DMD: variants seen among roughly 807,000 people sequenced by gnomAD.
The protein encoded by DMD is mutant dystrophin.
A neutral mutation model predicts 330.1 loss-of-function variants in DMD; 63 were observed. The observed-to-expected ratio is 0.19, with a 90% confidence interval of 0.16 to 0.24. DMD has a LOEUF of 0.24. Among genes scored for constraint, DMD ranks in the 10% least tolerant of loss-of-function variants. The pLI, the probability that DMD is intolerant of heterozygous loss-of-function variation, is 1.00. For synonymous variants in DMD, 1,223 were observed against 959.8 expected, an observed-to-expected ratio of 1.27 and a Z score of -5.07; for missense variants, 3,344 against 2,684.1, an observed-to-expected ratio of 1.25 and a Z score of -5.43.
intron 44 of DMD, among the ~76,000 whole-genome samples, chrX:32,062,453 T>C (rs1355314208): frequency 1.8e-5 from 2 of 110,729 alleles, no homozygotes; most frequent in Non-Finnish European, 3.8e-5. Context: ...TATAAAATTC[T>C]ATATATGTTA....
In DMD at chrX:32,432,386, G is replaced by A. The variant is rs755552721; in HGVS notation, c.4071+5855C>T. On this transcript the variant is annotated intron_variant, in intron 29 of 78. Coordinates refer to ENST00000357033, the MANE Select transcript of DMD (RefSeq NM_004006.3). ...ATGTCAGTGGTCATAGGCATGTTAC[G>A]GCATGACTTCAGTTTCATCTGATTT... Among the ~76,000 whole-genome samples the A allele has an allele frequency of 9.1e-4, 101 of 111,545 alleles. 4 individuals are homozygous for A. The highest frequency in any genetic ancestry group is 1.1e-3 in the South Asian group (3 of 2,663).
chrX:31,375,343 T>A (rs139035052), intron 60 of DMD, among the ~76,000 whole-genome samples: 101 of 111,424 alleles, frequency 9.1e-4, no homozygotes, highest in Non-Finnish European at 1.6e-3. Flanking sequence ...CCCTTTCAGT[T>A]TCTTAGAGGT....
At chrX:33,277,539 C>A (rs901202738) in intron 1 of DMD, among the ~76,000 whole-genome samples, 1 of 110,912 alleles carries the variant, frequency 9.0e-6, no homozygotes, top group Non-Finnish European at 1.9e-5. Context: ...CAGACACGTC[C>A]TTATGAGATG....
At chrX:32,924,084 C>T (rs1411773858) in intron 2 of DMD, among the ~76,000 whole-genome samples, 1 of 111,795 alleles carries the variant, frequency 8.9e-6, no homozygotes, top group Non-Finnish European at 1.9e-5. Context: ...TAAAGAAGTC[C>T]TTGCTTTCTT....
intron 1 of DMD, among the ~76,000 whole-genome samples, chrX:33,225,690 G>T (rs1382541998): frequency 5.4e-5 from 6 of 111,163 alleles, no homozygotes; most frequent in African/African-American, 2.0e-4. Context: ...AAAATCGTGT[G>T]CCTTAAAAGA....
chrX:32,149,199 G>A (rs1454801049), intron 44 of DMD, among the ~76,000 whole-genome samples: 1 of 111,565 alleles, frequency 9.0e-6, no homozygotes, highest in Admixed American at 9.6e-5. Context: ...AGGCTAAAGG[G>A]ATACACGGAG....
chrX:33,139,992 T>C (rs17341226), intron 1 of DMD, among the ~76,000 whole-genome samples: 6,791 of 111,050 alleles, frequency 0.061, 227 homozygotes, highest in South Asian at 0.19. Flanking sequence ...CCGATCAGCT[T>C]TAAGGGACAG....
chrX:31,322,815 T>A (rs962987902), intron 62 of DMD, among the ~76,000 whole-genome samples: 1 of 112,245 alleles, frequency 8.9e-6, no homozygotes, highest in Non-Finnish European at 1.9e-5. Context: ...AAGACTTCGG[T>A]TGGTATCGAG....
At chrX:32,575,530 A>C (rs1401991482) in intron 13 of DMD, among the ~76,000 whole-genome samples, 1 of 112,559 alleles carries the variant, frequency 8.9e-6, no homozygotes, top group Non-Finnish European at 1.9e-5. Flanking sequence ...GCGAGCTTAA[A>C]TCAATGAATT....
intron 60 of DMD, among the ~76,000 whole-genome samples, chrX:31,375,770 C>G (rs1337085650): frequency 1.8e-5 from 2 of 111,726 alleles, no homozygotes; most frequent in East Asian, 5.6e-4. Context: ...TGAAAAAGTT[C>G]TGCAAGTCCA....
intron 40 of DMD, chrX:32,342,510 T>C: frequency 2.5e-6 from 1 of 402,091 alleles, no homozygotes; most frequent in Non-Finnish European, 4.3e-6. Flanking sequence ...TAAGTAAATA[T>C]TGAAATTGGT....
At chrX:31,977,538 A>C (rs1204487313) in intron 44 of DMD, among the ~76,000 whole-genome samples, 1 of 110,913 alleles carries the variant, frequency 9.0e-6, no homozygotes, top group Non-Finnish European at 1.9e-5. Flanking sequence ...ATCAACTAAC[A>C]ATCCACATCT....
intron 9 of DMD, among the ~76,000 whole-genome samples, chrX:32,652,674 T>C (rs761553053): frequency 6.3e-5 from 7 of 111,210 alleles, no homozygotes; most frequent in African/African-American, 2.3e-4. Context: ...ATTACTGTAA[T>C]GGGATAAAAT....
chrX:31,777,730 G>A (rs552342381), intron 50 of DMD, among the ~76,000 whole-genome samples: 3 of 112,084 alleles, frequency 2.7e-5, no homozygotes, highest in African/African-American at 6.5e-5. Flanking sequence ...TATGAAAACA[G>A]TACCAATCTA....
chrX:32,497,161 T>C, intron 19 of DMD, among the ~76,000 whole-genome samples: 1 of 111,741 alleles, frequency 8.9e-6, no homozygotes, highest in Non-Finnish European at 1.9e-5. Flanking sequence ...TGTGAAATTA[T>C]CTAATGAGCT....
chrX:31,218,744 T>C (rs189183559), intron 64 of DMD, among the ~76,000 whole-genome samples: 1 of 111,873 alleles, frequency 8.9e-6, no homozygotes, highest in Non-Finnish European at 1.9e-5. Context: ...TCTCTATCTC[T>C]GTGTAAGAAC....
chrX:31,584,492 A>G (rs5972414), intron 55 of DMD, among the ~76,000 whole-genome samples: 1,972 of 111,894 alleles, frequency 0.018, 18 homozygotes, highest in East Asian at 0.037. Flanking sequence ...AAACCATTCT[A>G]TTTTAAAGAT....
intron 43 of DMD, among the ~76,000 whole-genome samples, chrX:32,256,581 T>G (rs1040557448): frequency 1.4e-4 from 16 of 111,032 alleles, no homozygotes; most frequent in African/African-American, 4.9e-4. Context: ...TTTTGCCTGT[T>G]AGTTGAGGCA....
At chrX:32,979,838 A>G (rs778718464) in intron 2 of DMD, among the ~76,000 whole-genome samples, 16 of 111,356 alleles carry the variant, frequency 1.4e-4, no homozygotes, top group Non-Finnish European at 2.4e-4. Context: ...GTTGTGGCCT[A>G]AAAGATGAAA....
Sources: allele counts gnomAD v4.1 joint callset (sites outside exome capture counted in the v4.1 genomes callset), GRCh38; gene constraint gnomAD v4.1.1; transcripts MANE v1.5; gene names NCBI Gene and HGNC (gene_info 2026-07-23, HGNC 2026-07-21).